NLGN1: variants seen among roughly 807,000 people sequenced by gnomAD.
NLGN1 encodes the protein neuroligin-1.
NLGN1 carries 12 observed loss-of-function variants against 65.5 expected under a neutral mutation model. The observed-to-expected ratio is 0.18, with a 90% CI of 0.12 to 0.30. The LOEUF (loss-of-function observed/expected upper bound fraction) is 0.30. Ranked by LOEUF, NLGN1 falls within the 10% of genes least tolerant of loss-of-function variation. The probability of loss-of-function intolerance (pLI) is 1.00; values close to 1 mark genes in which losing one functional copy is unlikely to be tolerated. For synonymous variants in NLGN1, 350 were observed against 359.5 expected, an observed-to-expected ratio of 0.97 and a Z score of 0.30; for missense variants, 750 against 1,007.1, an observed-to-expected ratio of 0.74 and a Z score of 3.46.
chr3:173,543,592 A>G (rs182469855), intron 2 of NLGN1, among the ~76,000 whole-genome samples: 2 of 152,276 alleles, frequency 1.3e-5, no homozygotes, highest in Admixed American at 1.3e-4. Context: ...CTGAAACACG[A>G]CTAAAAGAGC....
chr3:173,501,116 GTTTAT>G (rs1206141663), intron 2 of NLGN1, among the ~76,000 whole-genome samples: 3 of 151,966 alleles, frequency 2.0e-5, no homozygotes, highest in Admixed American at 2.0e-4. Context: ...TTAATTTTTA[GTTTAT>G]TTTAAGTTCC....
intron 4 of NLGN1, among the ~76,000 whole-genome samples, chr3:173,886,969 A>T (rs903937025): frequency 1.3e-5 from 2 of 152,084 alleles, no homozygotes; most frequent in African/African-American, 4.8e-5. Flanking sequence ...TTCATAATTT[A>T]TCAGAGACAA....
chr3:174,276,146 AT>A (rs1483128220), intron 5 of NLGN1, among the ~76,000 whole-genome samples: 1 of 151,810 alleles, frequency 6.6e-6, no homozygotes, highest in Non-Finnish European at 1.5e-5. Flanking sequence ...CAAAAGCATT[AT>A]TTTTCCCCCT....
intron 4 of NLGN1, among the ~76,000 whole-genome samples, chr3:173,869,828 AT>A (rs932193320): frequency 1.3e-5 from 2 of 151,690 alleles, no homozygotes; most frequent in Non-Finnish European, 2.9e-5. Context: ...TTTGACTGAA[AT>A]TTTTTTTTGC....
chr3:173,924,693 A>G (rs1330686217), intron 4 of NLGN1, among the ~76,000 whole-genome samples: 1 of 152,096 alleles, frequency 6.6e-6, no homozygotes, highest in Non-Finnish European at 1.5e-5. Context: ...AATTTTTATA[A>G]CATGCCAATA....
intron 4 of NLGN1, among the ~76,000 whole-genome samples, chr3:174,062,339 G>A (rs1048381889): frequency 6.6e-6 from 1 of 152,068 alleles, no homozygotes; most frequent in African/African-American, 2.4e-5. Context: ...ACTACGTATA[G>A]TTCTCTTTTC....
At chr3:173,926,117 A>C (rs1305368226) in intron 4 of NLGN1, among the ~76,000 whole-genome samples, 2 of 152,004 alleles carry the variant, frequency 1.3e-5, no homozygotes. Context: ...TTTCAGGTCT[A>C]AAGATTTTTT....
chr3:173,919,020 G>A (rs1741386698), intron 4 of NLGN1, among the ~76,000 whole-genome samples: 1 of 151,992 alleles, frequency 6.6e-6, no homozygotes, highest in African/African-American at 2.4e-5. Flanking sequence ...CTCTGATTTT[G>A]CTTCAGTCAC....
intron 4 of NLGN1, among the ~76,000 whole-genome samples, chr3:174,056,723 C>T (rs1371271136): frequency 6.6e-6 from 1 of 151,952 alleles, no homozygotes; most frequent in African/African-American, 2.4e-5. Flanking sequence ...CAAATACGTT[C>T]AAGCACTATA....
intron 2 of NLGN1, among the ~76,000 whole-genome samples, chr3:173,442,275 G>A (rs761768427): frequency 4.6e-5 from 7 of 152,026 alleles, no homozygotes; most frequent in African/African-American, 1.4e-4. Context: ...GGGGTTTTTC[G>A]TGTATAAAGA....
intron 3 of NLGN1, among the ~76,000 whole-genome samples, chr3:173,756,182 A>G (rs1777091477): frequency 6.6e-6 from 1 of 152,008 alleles, no homozygotes; most frequent in Non-Finnish European, 1.5e-5. Flanking sequence ...GATAAAGCAA[A>G]TAAGCAATTA....
Position 173,425,520 on chromosome 3 carries a change from A to G in NLGN1, c.-389-9490A>G, listed in dbSNP as rs560305434. Reference sequence around the variant, plus strand: ...TTAATTCATTTTGAGTGATTTCTGTATATGGTGAGAGACAAGGTTCTATTT... The same window carrying G: ...TTAATTCATTTTGAGTGATTTCTGTGTATGGTGAGAGACAAGGTTCTATTT... On this transcript the variant is annotated intron_variant, in intron 1 of 6. Coordinates refer to ENST00000457714, the Ensembl canonical transcript of NLGN1. Among the ~76,000 whole-genome samples, 31 of 152,236 alleles carry G rather than the reference A, an allele frequency of 2.0e-4. No homozygotes were observed. The South Asian group carries it at 6.0e-3, about 30-fold the overall frequency.
At chr3:173,764,824 A>G (rs1778507943) in intron 3 of NLGN1, among the ~76,000 whole-genome samples, 1 of 152,168 alleles carries the variant, frequency 6.6e-6, no homozygotes, top group African/African-American at 2.4e-5. Context: ...AAAAAATCAT[A>G]TTAGTATCAT....
chr3:173,535,591 G>A lies in NLGN1; in HGVS notation c.-320-68688G>A, dbSNP rs145812058. 2.0e-5 allele frequency among the ~76,000 whole-genome samples: 3 copies of A among 152,172 alleles called. No individual in the cohort carries two copies. The East Asian group carries it at 5.8e-4, about 29-fold the overall frequency. On this transcript the variant is annotated intron_variant, in intron 2 of 6. Coordinates refer to ENST00000457714, the Ensembl canonical transcript of NLGN1. ...ATGCAAGGAGAATTGTATCTAGGCT[G>A]CTCAGATTATCAGACACCACATCTA...
At chr3:174,108,250 T>C (rs1714401659) in intron 4 of NLGN1, among the ~76,000 whole-genome samples, 1 of 152,120 alleles carries the variant, frequency 6.6e-6, no homozygotes, top group African/African-American at 2.4e-5. Context: ...TGCATTCTTT[T>C]ATAAAAGTGT....
chr3:174,044,664 G>A (rs1035915464), intron 4 of NLGN1, among the ~76,000 whole-genome samples: 1 of 152,058 alleles, frequency 6.6e-6, no homozygotes, highest in Admixed American at 6.5e-5. Flanking sequence ...CAAGTCTCTA[G>A]GAAGTTCCAA....
At chr3:173,697,144 T>C (rs1370379995) in intron 3 of NLGN1, among the ~76,000 whole-genome samples, 1 of 152,240 alleles carries the variant, frequency 6.6e-6, no homozygotes, top group Non-Finnish European at 1.5e-5. Context: ...GTTTTTATGC[T>C]GCCTTCTACT....
At chr3:173,928,099 A>G (rs184903720) in intron 4 of NLGN1, among the ~76,000 whole-genome samples, 22 of 152,322 alleles carry the variant, frequency 1.4e-4, no homozygotes, top group Non-Finnish European at 1.5e-5. Flanking sequence ...TATTGTGATT[A>G]TTCTTAACAA....
At chr3:173,841,138 T>A (rs1355199737) in intron 4 of NLGN1, among the ~76,000 whole-genome samples, 1 of 70,358 alleles carries the variant, frequency 1.4e-5, no homozygotes, top group Non-Finnish European at 3.3e-5. Flanking sequence ...ATTGTATCTA[T>A]ATCTATAGTT....
Sources: allele counts gnomAD v4.1 joint callset (sites outside exome capture counted in the v4.1 genomes callset), GRCh38; gene constraint gnomAD v4.1.1; transcripts MANE v1.5; gene names NCBI Gene and HGNC (gene_info 2026-07-23, HGNC 2026-07-21).